The following MAP4 variants were observed in gnomAD, a reference collection of about 807,000 sequenced individuals.
MAP4 encodes the protein microtubule-associated protein 4.
A neutral mutation model predicts 170.2 loss-of-function variants in MAP4; 76 were observed. The observed-to-expected ratio is 0.45, with a 90% CI of 0.37 to 0.54. The LOEUF (loss-of-function observed/expected upper bound fraction) is 0.54. Among genes scored for constraint, MAP4 ranks in the 20% least tolerant of loss-of-function variants. The probability of loss-of-function intolerance (pLI) is 0.00; values close to 1 mark genes in which losing one functional copy is unlikely to be tolerated. For missense variants in MAP4, 2,506 were observed against 2,748.0 expected (o/e 0.91, Z 1.97); for synonymous variants, 909 against 994.5 (o/e 0.91, Z 1.62).
intron 1 of MAP4, among the ~76,000 whole-genome samples, chr3:48,005,710 C>T (rs983692127): frequency 1.3e-5 from 2 of 152,200 alleles, no homozygotes; most frequent in Non-Finnish European, 2.9e-5. Flanking sequence ...TTTAGACCTA[C>T]TCATCCCAGC....
intron 3 of MAP4, chr3:47,960,954 C>G (rs1223917279): frequency 1.9e-5 from 3 of 162,006 alleles, no homozygotes; most frequent in Non-Finnish European, 2.8e-5. Flanking sequence ...AACAGATTCT[C>G]CATCATAGAG....
chr3:47,910,624 T>A lies in MAP4; in HGVS notation c.3797A>T (p.Lys1266Ile). Reference sequence around the variant, plus strand: ...ATGTGAGAACGAAGAATCATGCATTTTGGGGAAAGTAAATCCTATTTCCTT... The same window carrying A: ...ATGTGAGAACGAAGAATCATGCATTATGGGGAAAGTAAATCCTATTTCCTT... ...KSKEIGFTFP[K>I]MHDSSFSHTP... The change falls in exon 9 of 21, where the codon AAA (lysine) becomes ATA (isoleucine). Residue 1266 changes from lysine (K) to isoleucine (I), a missense_variant. By Grantham distance (102) the Lys-to-Ile change is moderately radical. Around this residue, in one of 3 missense-constraint regions of MAP4, gnomAD observed 2,008 missense variants for 2,206.0 expected, o/e 0.91. Coordinates refer to ENST00000683076, the MANE Select transcript of MAP4 (RefSeq NM_001385682.1). 2.6e-6 allele frequency: 4 copies of A among 1,536,150 alleles called. No homozygotes were observed. The highest frequency in any genetic ancestry group is 3.5e-6 in the Non-Finnish European group (4 of 1,146,910).
intron 10 of MAP4, chr3:47,892,894 A>T (rs889646395): frequency 2.0e-6 from 2 of 992,360 alleles, no homozygotes; most frequent in Non-Finnish European, 2.4e-6. Context: ...ACACTCATTT[A>T]TCTGATACCA....
chr3:47,943,906 A>C (rs1444092072), intron 3 of MAP4, among the ~76,000 whole-genome samples: 1 of 151,974 alleles, frequency 6.6e-6, no homozygotes, highest in Non-Finnish European at 1.5e-5. Context: ...TGAGCTGTCA[A>C]CTCAGAATAC....
At chr3:47,852,975 CAG>C (rs759173821) in intron 20 of MAP4, 37 bp from the exon 21 acceptor site, 3 of 1,614,024 alleles carry the variant, frequency 1.9e-6, no homozygotes, top group Non-Finnish European at 2.5e-6. Context: ...GAGAGGGGAA[CAG>C]GGGAGACAAG....
intron 1 of MAP4, among the ~76,000 whole-genome samples, chr3:48,008,782 G>A (rs1283906304): frequency 1.3e-5 from 2 of 152,198 alleles, no homozygotes; most frequent in Non-Finnish European, 2.9e-5. Flanking sequence ...TGGCCATGGT[G>A]GCAGGGATGG....
At chr3:47,947,186 G>A (rs777967821) in intron 3 of MAP4, among the ~76,000 whole-genome samples, 5 of 152,172 alleles carry the variant, frequency 3.3e-5, no homozygotes, top group African/African-American at 4.8e-5. Flanking sequence ...TCCAAACATT[G>A]TACTTTTTTC....
At chr3:47,972,107 G>A (rs1190108307) in intron 3 of MAP4, among the ~76,000 whole-genome samples, 2 of 152,148 alleles carry the variant, frequency 1.3e-5, no homozygotes, top group Non-Finnish European at 2.9e-5. Flanking sequence ...TGTCTGCCAA[G>A]CTTAAAAAGT....
At position 47,949,334 on chromosome 3, in the gene MAP4, T is replaced by C. The variant is rs1015576696; in HGVS notation, c.293-20984A>G. On this transcript the variant is annotated intron_variant, in intron 3 of 20. Transcript: ENST00000683076. The stretch of plus-strand genomic sequence containing the variant: ...TACAAAAACTAGCCCAGTGTGGTGG[T>C]GTGCATCTGTAGTCCCAGCTACTCA... Among the ~76,000 whole-genome samples the C allele has an allele frequency of 2.0e-5, 3 of 151,512 alleles. No homozygotes were observed. The East Asian group carries it at 5.8e-4, about 29-fold the overall frequency.
At chr3:48,055,251 C>A (rs1487342994) in intron 1 of MAP4, among the ~76,000 whole-genome samples, 1 of 151,602 alleles carries the variant, frequency 6.6e-6, no homozygotes. Context: ...CCCATGGTCT[C>A]CCTCTCATGC....
At chr3:48,085,978 G>A (rs1200014713) in intron 1 of MAP4, among the ~76,000 whole-genome samples, 2 of 152,174 alleles carry the variant, frequency 1.3e-5, no homozygotes, top group Admixed American at 6.5e-5. Context: ...CTTGAACCCA[G>A]GAGGCGAAGG....
At chr3:47,853,393 A>AT (rs1559756276) in intron 19 of MAP4, 41 bp from the exon 20 acceptor site, 13 of 853,592 alleles carry the variant, frequency 1.5e-5, no homozygotes, top group Non-Finnish European at 2.2e-5. Flanking sequence ...GGGTCAGTCG[A>AT]GGGGGGGAGT....
In MAP4 at chr3:47,916,043, G is replaced by A. The variant is rs1375905120; in HGVS notation, c.1784C>T (p.Ala595Val). The change falls in exon 7 of 21, where the codon GCA becomes GTA. Residue 595 changes from alanine to valine, a missense_variant. By Grantham distance (64) the Ala-to-Val change is moderately conservative (BLOSUM62 0). This residue lies in a region of MAP4 where 2,008 missense variants were observed against 2,206.0 expected (regional missense o/e 0.91). Coordinates refer to ENST00000683076, the MANE Select transcript of MAP4 (RefSeq NM_001385682.1). ...CTCACTTATTCCTTTTTGTGTTTGT[G>A]CAATTTCCATGTCTTTAATTGGAAC... ...TPVPIKDMEI[A>V]QTQKGISEDS... The A allele has an allele frequency of 6.2e-7, 1 of 1,614,076 alleles. No homozygotes were observed. Among genetic ancestry groups the A allele is most frequent in the Admixed American group, 1.7e-5 (1 of 60,004 alleles).
intron 10 of MAP4, among the ~76,000 whole-genome samples, chr3:47,887,774 C>T (rs1219494342): frequency 1.3e-5 from 2 of 152,184 alleles, no homozygotes; most frequent in South Asian, 2.1e-4. Flanking sequence ...ATCCACCAAT[C>T]GACACTCTGT....
At chr3:48,061,891 T>C (rs1187110096) in intron 1 of MAP4, among the ~76,000 whole-genome samples, 2 of 138,578 alleles carry the variant, frequency 1.4e-5, no homozygotes, top group East Asian at 2.2e-4. Context: ...GGGGGGCGCC[T>C]CCGCCCGGCC....
chr3:47,916,033 T>C lies in MAP4; in HGVS notation c.1794A>G (p.Gln598=). ...AATGGGAATCCTCACTTATTCCTTT[T>C]TGTGTTTGTGCAATTTCCATGTCTT... ...PIKDMEIAQT[Q]KGISEDSHLE... is the part of the protein sequence containing the mutation. The change falls in exon 7 of 21, where the codon CAA becomes CAG. Residue 598 remains glutamine, a synonymous_variant. Coordinates refer to ENST00000683076, the MANE Select transcript of MAP4 (RefSeq NM_001385682.1). 4.3e-6 allele frequency: 7 copies of C among 1,614,226 alleles called. No homozygotes were observed. Among genetic ancestry groups the C allele is most frequent in the South Asian group, 1.1e-5 (1 of 91,084 alleles).
intron 1 of MAP4, among the ~76,000 whole-genome samples, chr3:48,068,834 T>C (rs369152483): frequency 3.5e-4 from 53 of 152,324 alleles, no homozygotes; most frequent in African/African-American, 1.3e-3. Flanking sequence ...AAGACATTCA[T>C]TTAAATCCAC....
chr3:47,975,579 A>T lies in MAP4; in HGVS notation c.292+2286T>A, dbSNP rs905061260. The T allele has an allele frequency of 2.7e-5, 20 of 747,514 alleles. No individual in the cohort carries two copies. In the East Asian group the frequency reaches 5.1e-4, roughly 19 times the overall value. The allele number at this position is 747,514 out of a possible 1,614,324, so 46.3% of individuals were successfully genotyped here. A position where few individuals can be genotyped will look rare whatever the true frequency, so the allele number is the denominator to read the frequency against. ...AATATCACAAGATGCTCATAAACCA[A>T]AGCTATTAATGAAGCTGGTTTGCTC... On this transcript the variant is annotated intron_variant, in intron 3 of 20. Transcript: ENST00000683076.
At chr3:47,915,409 C>T (rs1234145439) in intron 7 of MAP4, among the ~76,000 whole-genome samples, 3 of 152,196 alleles carry the variant, frequency 2.0e-5, no homozygotes, top group Admixed American at 2.0e-4. Flanking sequence ...AGCCACCATG[C>T]CCGGTCAATG....
Sources: allele counts gnomAD v4.1 joint callset (sites outside exome capture counted in the v4.1 genomes callset), GRCh38; gene constraint gnomAD v4.1.1; regional missense constraint gnomAD v4.1.1; transcripts MANE v1.5; gene names NCBI Gene and HGNC (gene_info 2026-07-23, HGNC 2026-07-21).